Variants in DIP2A observed in about 807,000 individuals in gnomAD.
DIP2A encodes the protein DIP2 acetate--CoA ligase A.
Under a neutral mutation model 177.4 loss-of-function variants are expected in DIP2A, and 85 were observed. The ratio of observed to expected loss-of-function variants is 0.48; its 90% confidence interval spans 0.40 to 0.57. The LOEUF (loss-of-function observed/expected upper bound fraction) is 0.57. Ranked by LOEUF, DIP2A falls within the 20% of genes least tolerant of loss-of-function variation. The pLI is 0.00. For missense variants in DIP2A, 1,791 were observed against 2,100.2 expected, an observed-to-expected ratio of 0.85 and a Z score of 2.88; for synonymous variants, 886 against 881.8, an observed-to-expected ratio of 1.00 and a Z score of -0.08.
intron 21 of DIP2A, among the ~76,000 whole-genome samples, chr21:46,549,097 T>C (rs1057229528): frequency 6.6e-6 from 1 of 152,186 alleles, no homozygotes; most frequent in Non-Finnish European, 1.5e-5. Context: ...TAAGGAGAAC[T>C]CAGTACTAGG....
At chr21:46,524,901 T>C (rs866505314) in intron 8 of DIP2A, among the ~76,000 whole-genome samples, 1,043 of 102,852 alleles carry the variant, frequency 0.01, 10 homozygotes, top group African/African-American at 0.04. Context: ...TTTTTTTTTT[T>C]TTTGAGACAG....
intron 8 of DIP2A, among the ~76,000 whole-genome samples, chr21:46,519,222 C>T (rs1002368006): frequency 3.3e-5 from 5 of 152,110 alleles, no homozygotes; most frequent in African/African-American, 7.2e-5. Context: ...TCTTCATTTG[C>T]GGGGACTTGG....
chr21:46,477,077 A>T (rs1312523119), intron 1 of DIP2A, among the ~76,000 whole-genome samples: 1 of 151,534 alleles, frequency 6.6e-6, no homozygotes, highest in Non-Finnish European at 1.5e-5. Context: ...GGTATGGATC[A>T]CTCCTCGTTT....
intron 8 of DIP2A, among the ~76,000 whole-genome samples, chr21:46,514,251 G>T (rs966279990): frequency 1.4e-4 from 22 of 152,108 alleles, no homozygotes; most frequent in African/African-American, 4.8e-4. Flanking sequence ...TGGCTAACGC[G>T]GTGAAACCCC....
Position 46,566,023 on chromosome 21 carries a change from G to T in DIP2A, c.4339+136G>T. 6 of 1,072,964 alleles carry T rather than the reference G, an allele frequency of 5.6e-6. No individual in the cohort carries two copies. The South Asian group carries it at 9.2e-5, about 16-fold the overall frequency. 66.5% of individuals were successfully genotyped at this position (1,072,964 alleles called of 1,614,324 possible). A position where few individuals can be genotyped will look rare whatever the true frequency, so the allele number is the denominator to read the frequency against. On this transcript the variant is annotated intron_variant, in intron 36 of 37. Transcript: ENST00000417564. ...GCTCCTTGTGGGGGGAAGATGTTCT[G>T]ACAGCAGTTTTCTCTGAAAATACTG...
At chr21:46,553,224 C>T (rs1803719320) in intron 25 of DIP2A, 1 of 152,234 alleles carries the variant, frequency 6.6e-6, no homozygotes, top group Non-Finnish European at 1.5e-5. Context: ...TCTGCCCAGC[C>T]CTTGTGCCTG....
chr21:46,470,474 C>CAAA (rs57786498), intron 1 of DIP2A, among the ~76,000 whole-genome samples: 1 of 137,188 alleles, frequency 7.3e-6, no homozygotes, highest in East Asian at 2.2e-4. Context: ...AGCTCCGTCT[C>CAAA]AAAAAAAAAA....
intron 1 of DIP2A, among the ~76,000 whole-genome samples, chr21:46,478,951 C>T (rs937740830): frequency 2.0e-5 from 3 of 152,116 alleles, no homozygotes; most frequent in Non-Finnish European, 4.4e-5. Flanking sequence ...CCACAAAGGG[C>T]TTACTTTTGC....
At chr21:46,462,076 G>A (rs1201037005) in intron 1 of DIP2A, among the ~76,000 whole-genome samples, 1 of 152,260 alleles carries the variant, frequency 6.6e-6, no homozygotes, top group Non-Finnish European at 1.5e-5. Flanking sequence ...GAAGACAGCA[G>A]AGAACAGAGT....
chr21:46,546,181 G>T (rs2060031301), intron 20 of DIP2A: 1 of 1,325,584 alleles, frequency 7.5e-7, no homozygotes, highest in Non-Finnish European at 9.6e-7. Context: ...CTGAGTCGGG[G>T]GTCCCCGGGG....
chr21:46,578,024 C>T, the DIP2A span, among the ~76,000 whole-genome samples: 1 of 152,114 alleles, frequency 6.6e-6, no homozygotes, highest in East Asian at 1.9e-4. Flanking sequence ...GTTTAAGAAG[C>T]TTTTGGAGGC....
At chr21:46,533,888 C>A in intron 11 of DIP2A, 116 bp from the exon 12 acceptor site, 2 of 1,012,722 alleles carry the variant, frequency 2.0e-6, no homozygotes, top group Non-Finnish European at 2.9e-6. Context: ...GAGACTAAAA[C>A]TTGCACTCCT....
At chr21:46,512,878 A>T (rs2058376969) in intron 8 of DIP2A, among the ~76,000 whole-genome samples, 1 of 151,874 alleles carries the variant, frequency 6.6e-6, no homozygotes, top group Non-Finnish European at 1.5e-5. Flanking sequence ...CCAGGCTGAT[A>T]TCGAACTCCT....
rs768424251 is a variant in DIP2A, at chr21:46,537,583, A to G, written c.1801+44A>G. 1.9e-6 allele frequency: 3 copies of G among 1,582,512 alleles called. No homozygotes were observed. The highest frequency in any genetic ancestry group is 2.6e-6 in the Non-Finnish European group (3 of 1,153,562). On this transcript the variant is annotated intron_variant, in intron 15 of 37. Transcript: ENST00000417564. This position sits in a 1 kb window ranked among gnomAD's most constrained non-coding sequence, Gnocchi z 4.1. ...AGGGCCTTCACCCTTCTTTAGGGAA[A>G]TCTCTTTGAACTGACCTTTGGTGCT... is the stretch of plus-strand genomic sequence containing the variant.
At chr21:46,525,315 G>C (rs1267541668) in intron 8 of DIP2A, among the ~76,000 whole-genome samples, 1 of 152,190 alleles carries the variant, frequency 6.6e-6, no homozygotes, top group Non-Finnish European at 1.5e-5. Context: ...CCTGGAATGT[G>C]TTTTTGTGAA....
intron 1 of DIP2A, among the ~76,000 whole-genome samples, chr21:46,461,271 CAA>C (rs60346777): frequency 0.021 from 1,036 of 49,280 alleles, 10 homozygotes; most frequent in Middle Eastern, 0.053. Flanking sequence ...CTCTTCTCAC[CAA>C]AAAAAAAAAA....
In DIP2A at chr21:46,519,303, A is replaced by G. The variant is rs573481934; in HGVS notation, c.1102+7689A>G. 5.9e-5 allele frequency among the ~76,000 whole-genome samples: 9 copies of G among 152,262 alleles called. No individual in the cohort carries two copies. In the South Asian group the frequency reaches 1.2e-3, roughly 21 times the overall value. On this transcript the variant is annotated intron_variant, in intron 8 of 37. Transcript: ENST00000417564. ...GACCTGTATCTTGTGCCGACCTCCT[A>G]TCTCATCCTGTGACTTAGAATGCCT...
At chr21:46,521,414 C>T (rs1362485655) in intron 8 of DIP2A, among the ~76,000 whole-genome samples, 1 of 152,224 alleles carries the variant, frequency 6.6e-6, no homozygotes, top group Non-Finnish European at 1.5e-5. Flanking sequence ...ATCTCAAACT[C>T]CTGACCTCAA....
intron 2 of DIP2A, among the ~76,000 whole-genome samples, chr21:46,489,122 G>T (rs1479216448): frequency 6.6e-6 from 1 of 152,100 alleles, no homozygotes; most frequent in Non-Finnish European, 1.5e-5. Flanking sequence ...TGTGTGTGTG[G>T]ATGTGTGTGT....
Sources: gnomAD v4.1 joint callset for allele counts (sites outside exome capture counted in the v4.1 genomes callset) on GRCh38, gnomAD v4.1.1 for gene constraint, Gnocchi (gnomAD v3.1) non-coding constraint, MANE v1.5 for transcripts, NCBI Gene and HGNC (gene_info 2026-07-23, HGNC 2026-07-21) for gene names.